Variants in GNAQ observed in about 807,000 individuals in gnomAD.
The protein encoded by GNAQ is guanine nucleotide-binding protein G(q) subunit alpha.
In GNAQ, 8 loss-of-function variants were observed where a neutral mutation model predicts 43.9. That is an observed-to-expected ratio of 0.18 (90% CI 0.11 to 0.33). GNAQ has a LOEUF of 0.33. GNAQ is among the 10% of genes least tolerant of loss of function. The pLI is 1.00. For synonymous variants in GNAQ, 155 were observed against 170.7 expected, an observed-to-expected ratio of 0.91 and a Z score of 0.71; for missense variants, 158 against 450.8, an observed-to-expected ratio of 0.35 and a Z score of 5.88.
chr9:77,722,223 G>C lies in GNAQ; in HGVS notation c.890-710C>G, dbSNP rs142653544. The stretch of plus-strand genomic sequence containing the variant: ...AAGATCTCAGCTCACTGCAACCTCT[G>C]CCTCCCAGGTTCAAGCGATTCTCTT... On this transcript the variant is annotated intron_variant, in intron 6 of 6. Coordinates refer to ENST00000286548, the MANE Select transcript of GNAQ (RefSeq NM_002072.5). Among the ~76,000 whole-genome samples, 187 of 151,304 alleles carry C rather than the reference G, an allele frequency of 1.2e-3. 3 individuals carry two copies. In the Middle Eastern group the frequency reaches 0.027, roughly 22 times the overall value.
intron 5 of GNAQ, among the ~76,000 whole-genome samples, chr9:77,757,264 C>CT (rs1350427863): frequency 6.6e-6 from 1 of 152,180 alleles, no homozygotes; most frequent in Non-Finnish European, 1.5e-5. Flanking sequence ...CAAGCCCCAA[C>CT]TTTTTTTCTA....
chr9:77,855,580 T>C (rs1827741214), intron 2 of GNAQ, among the ~76,000 whole-genome samples: 1 of 152,252 alleles, frequency 6.6e-6, no homozygotes, highest in Middle Eastern at 3.4e-3. Flanking sequence ...CCCATGTCTA[T>C]GATGGAATAA....
chr9:77,740,748 A>G (rs1016468832), intron 5 of GNAQ, among the ~76,000 whole-genome samples: 3 of 152,218 alleles, frequency 2.0e-5, no homozygotes, highest in Non-Finnish European at 4.4e-5. Context: ...TTTTGGCTAT[A>G]TGAATGTTAT....
intron 1 of GNAQ, among the ~76,000 whole-genome samples, chr9:77,966,093 T>G (rs1437418901): frequency 6.6e-6 from 1 of 152,124 alleles, no homozygotes; most frequent in Non-Finnish European, 1.5e-5. Context: ...TACTGTATGT[T>G]CCCTCAGGTG....
rs34924714 is a variant in GNAQ, at chr9:77,853,774, CAAA to C, written c.322-38007_322-38005del. On this transcript the variant is annotated intron_variant, in intron 2 of 6. Transcript: ENST00000286548. Reference sequence around the variant, plus strand: ...TTTAGGATCTTTGTGAAATTACTACCAAAAAAAAAAAAAAAAAAAAAAAAAACC... The same window carrying C: ...TTTAGGATCTTTGTGAAATTACTACCAAAAAAAAAAAAAAAAAAAAAAACC... Among the ~76,000 whole-genome samples, 354 of 56,752 alleles carry C rather than the reference CAAA, an allele frequency of 6.2e-3. 2 individuals are homozygous for C. The highest frequency in any genetic ancestry group is 0.02 in the African/African-American group (294 of 14,412). 37.2% of individuals were successfully genotyped at this position (56,752 alleles called of 152,430 possible).
chr9:77,843,685 A>G (rs1202321958), intron 2 of GNAQ, among the ~76,000 whole-genome samples: 1 of 152,202 alleles, frequency 6.6e-6, no homozygotes, highest in Admixed American at 6.5e-5. Flanking sequence ...GTGGAAGTAA[A>G]AGGAAGTCTA....
chr9:77,945,462 G>A (rs1304936819), intron 1 of GNAQ, among the ~76,000 whole-genome samples: 2 of 152,050 alleles, frequency 1.3e-5, no homozygotes, highest in African/African-American at 2.4e-5. Context: ...AGGTCAAAAC[G>A]GCCCTCCATT....
chr9:77,961,633 T>C (rs1436281798), intron 1 of GNAQ, among the ~76,000 whole-genome samples: 2 of 152,178 alleles, frequency 1.3e-5, no homozygotes, highest in African/African-American at 2.4e-5. Flanking sequence ...TTTAAGTAAC[T>C]ATGAAAGAGA....
intron 2 of GNAQ, among the ~76,000 whole-genome samples, chr9:77,893,756 T>C (rs1181104385): frequency 2.0e-5 from 3 of 152,120 alleles, no homozygotes; most frequent in East Asian, 1.9e-4. Flanking sequence ...GTACTTATAG[T>C]ACAAGCTTTA....
chr9:78,008,871 C>G (rs1823740592), intron 1 of GNAQ, among the ~76,000 whole-genome samples: 1 of 152,212 alleles, frequency 6.6e-6, no homozygotes, highest in Non-Finnish European at 1.5e-5. Context: ...CCCACCTCGG[C>G]CTCCCAAAGT....
At chr9:77,756,802 C>G (rs1184334153) in intron 5 of GNAQ, among the ~76,000 whole-genome samples, 1 of 152,208 alleles carries the variant, frequency 6.6e-6, no homozygotes, top group Non-Finnish European at 1.5e-5. Context: ...TGTTTCTGAA[C>G]TTCAGGTTTC....
rs2118174190 is a variant in GNAQ at position 77,716,808 on chromosome 9, A to G, written c.*4515T>C. The G allele has an allele frequency of 4.3e-6, 1 of 232,922 alleles. No individual in the cohort carries two copies. The highest frequency in any genetic ancestry group is 2.2e-5 in the African/African-American group (1 of 45,450). 14.4% of individuals were successfully genotyped at this position (232,922 alleles called of 1,614,324 possible). On this transcript the variant is annotated 3_prime_UTR_variant, in exon 7 of 7. Coordinates refer to ENST00000286548, the MANE Select transcript of GNAQ (RefSeq NM_002072.5). ...TACGGGGAAATGGAGGACACAGGGT[A>G]GATAAGGAAGGCAAGGAGGAAATTA...
At chr9:77,831,986 T>A (rs1014380101) in intron 2 of GNAQ, among the ~76,000 whole-genome samples, 44 of 152,142 alleles carry the variant, frequency 2.9e-4, no homozygotes, top group African/African-American at 9.9e-4. Context: ...CTCCACTGGC[T>A]CAGTGTCATG....
chr9:77,957,313 G>A (rs774182113), intron 1 of GNAQ, among the ~76,000 whole-genome samples: 13 of 151,888 alleles, frequency 8.6e-5, no homozygotes, highest in African/African-American at 2.9e-4. Context: ...CTGAGATTCC[G>A]CCATTGCACT....
chr9:77,807,764 T>C (rs1459434297), intron 3 of GNAQ, among the ~76,000 whole-genome samples: 2 of 152,202 alleles, frequency 1.3e-5, no homozygotes, highest in Non-Finnish European at 2.9e-5. Flanking sequence ...TTAATAGTTA[T>C]TCTTCACCTC....
At chr9:77,989,494 G>C (rs1272024365) in intron 1 of GNAQ, among the ~76,000 whole-genome samples, 1 of 152,224 alleles carries the variant, frequency 6.6e-6, no homozygotes, top group African/African-American at 2.4e-5. Flanking sequence ...TGTGATATTG[G>C]GAGCCTGTTA....
chr9:77,764,657 G>A (rs930829871), intron 5 of GNAQ, among the ~76,000 whole-genome samples: 17 of 151,996 alleles, frequency 1.1e-4, no homozygotes, highest in Admixed American at 5.2e-4. Context: ...GGGTTTCACC[G>A]TGTTAGCCAG....
chr9:78,015,308 G>T (rs1238348037), intron 1 of GNAQ, among the ~76,000 whole-genome samples: 1 of 152,154 alleles, frequency 6.6e-6, no homozygotes, highest in Non-Finnish European at 1.5e-5. Context: ...CTAGATTTGT[G>T]TAAGTACACT....
intron 1 of GNAQ, among the ~76,000 whole-genome samples, chr9:78,009,462 C>A (rs962481115): frequency 6.6e-6 from 1 of 152,180 alleles, no homozygotes; most frequent in Non-Finnish European, 1.5e-5. Context: ...TATACCAACA[C>A]AAGTGGTGAA....
Sources: gnomAD v4.1 joint callset for allele counts (sites outside exome capture counted in the v4.1 genomes callset) on GRCh38, gnomAD v4.1.1 for gene constraint, MANE v1.5 for transcripts, NCBI Gene and HGNC (gene_info 2026-07-23, HGNC 2026-07-21) for gene names.